The following CCDC88C variants were observed in gnomAD, a reference collection of about 807,000 sequenced individuals.
The protein encoded by CCDC88C is coiled-coil and HOOK domain protein 88C, also known as protein Daple.
CCDC88C carries 131 observed loss-of-function variants against 198.8 expected under a neutral mutation model. The ratio of observed to expected loss-of-function variants is 0.66; its 90% CI spans 0.57 to 0.76. The LOEUF (loss-of-function observed/expected upper bound fraction) is 0.76, where lower values mean the gene tolerates loss of function less well. CCDC88C is among the 30% of genes least tolerant of loss of function. CCDC88C has a pLI of 0.00. For missense variants in CCDC88C, 2,553 were observed against 2,631.6 expected (o/e 0.97, Z 0.65); for synonymous variants, 1,166 against 1,114.7 (o/e 1.05, Z -0.92).
At chr14:91,374,271 G>A (rs1202635728) in intron 3 of CCDC88C, among the ~76,000 whole-genome samples, 3 of 152,348 alleles carry the variant, frequency 2.0e-5, no homozygotes, top group South Asian at 4.1e-4. Context: ...GACACACTGT[G>A]TCTATTACCT....
chr14:91,310,331 G>C (rs1036524104), intron 15 of CCDC88C, among the ~76,000 whole-genome samples: 1 of 152,236 alleles, frequency 6.6e-6, no homozygotes, highest in South Asian at 2.1e-4. Context: ...AAAGCAACAA[G>C]TAATTAAAGG....
At chr14:91,321,789 T>C (rs566376072) in intron 12 of CCDC88C, among the ~76,000 whole-genome samples, 1 of 152,332 alleles carries the variant, frequency 6.6e-6, no homozygotes, top group Admixed American at 6.5e-5. Flanking sequence ...CGGGCACTTG[T>C]CAGCCTGGAT....
chr14:91,359,880 G>C (rs1030524667), intron 3 of CCDC88C, among the ~76,000 whole-genome samples, 169 bp from the exon 4 acceptor site: 1 of 152,166 alleles, frequency 6.6e-6, no homozygotes, highest in Non-Finnish European at 1.5e-5. Context: ...AAACAAACAC[G>C]AAAGCCAAAG....
chr14:91,277,849 C>A (rs2139718412), intron 29 of CCDC88C, 73 bp downstream of exon 29: 2 of 1,427,846 alleles, frequency 1.4e-6, no homozygotes, highest in South Asian at 3.1e-5. Context: ...ATCCTTTCTG[C>A]AGCTATGATC....
At chr14:91,398,689 A>T (rs1402623195) in intron 3 of CCDC88C, among the ~76,000 whole-genome samples, 1 of 152,120 alleles carries the variant, frequency 6.6e-6, no homozygotes, top group Non-Finnish European at 1.5e-5. Context: ...AAAATAAATA[A>T]TTGAAAGAAA....
intron 25 of CCDC88C, among the ~76,000 whole-genome samples, chr14:91,286,558 C>T (rs1890416161): frequency 6.6e-6 from 1 of 152,184 alleles, no homozygotes; most frequent in Non-Finnish European, 1.5e-5. Flanking sequence ...TAACATTAAT[C>T]GACCTAACCA....
intron 18 of CCDC88C, 132 bp from the exon 19 acceptor site, chr14:91,306,058 G>A (rs887686228): frequency 7.5e-6 from 6 of 801,984 alleles, no homozygotes; most frequent in Admixed American, 2.6e-5. Context: ...GCTGGATGAG[G>A]TCAGTATATT....
intron 25 of CCDC88C, among the ~76,000 whole-genome samples, chr14:91,287,407 G>A (rs1200657343): frequency 6.6e-6 from 1 of 152,198 alleles, no homozygotes; most frequent in Non-Finnish European, 1.5e-5. Flanking sequence ...CTGGAGTACA[G>A]TGGTATGACC....
chr14:91,379,989 G>A lies in CCDC88C; in HGVS notation c.271-20278C>T, dbSNP rs951134550. Reference sequence around the variant, plus strand: ...AAGGGGTAAAACTGTTGGGAACTGCGCGAGCCCACCGTGAGAACCAACTCC... The same window carrying A: ...AAGGGGTAAAACTGTTGGGAACTGCACGAGCCCACCGTGAGAACCAACTCC... On this transcript the variant is annotated intron_variant, in intron 3 of 29. Coordinates refer to ENST00000389857, the MANE Select transcript of CCDC88C (RefSeq NM_001080414.4). 3.1e-5 allele frequency: 21 copies of A among 677,032 alleles called. No individual in the cohort carries two copies. In the African/African-American group the frequency reaches 3.2e-4, roughly 10 times the overall value. The allele number at this position is 677,032 out of a possible 1,614,324, so 41.9% of individuals were successfully genotyped here.
intron 3 of CCDC88C, among the ~76,000 whole-genome samples, chr14:91,401,252 A>ATAT (rs1886161411): frequency 1.4e-5 from 2 of 145,662 alleles, no homozygotes; most frequent in South Asian, 4.2e-4. Flanking sequence ...ATTATATATT[A>ATAT]TATAATATAT....
intron 26 of CCDC88C, 89 bp downstream of exon 26, chr14:91,283,240 G>A (rs1890271534): frequency 7.4e-7 from 1 of 1,346,660 alleles, no homozygotes; most frequent in Non-Finnish European, 1.0e-6. Context: ...CTGAGAGGGA[G>A]AGCAACCTCT....
intron 25 of CCDC88C, chr14:91,285,357 T>G (rs768940511): frequency 2.2e-6 from 1 of 444,866 alleles, no homozygotes; most frequent in African/African-American, 2.0e-5. Context: ...AGCTCGCAGG[T>G]GCAAGAGACG....
intron 13 of CCDC88C, among the ~76,000 whole-genome samples, chr14:91,320,253 C>G (rs1892303050): frequency 6.6e-6 from 1 of 152,150 alleles, no homozygotes; most frequent in African/African-American, 2.4e-5. Flanking sequence ...CCCCTACCTC[C>G]AGGGAGGAGA....
At chr14:91,369,919 C>T (rs903055377) in intron 3 of CCDC88C, among the ~76,000 whole-genome samples, 1 of 152,198 alleles carries the variant, frequency 6.6e-6, no homozygotes, top group Non-Finnish European at 1.5e-5. Context: ...TCGGCCCGGC[C>T]GAGGCTACCA....
intron 10 of CCDC88C, among the ~76,000 whole-genome samples, chr14:91,332,362 G>A (rs1596079777): frequency 6.6e-6 from 1 of 152,208 alleles, no homozygotes; most frequent in African/African-American, 2.4e-5. Context: ...CTCCTGGACC[G>A]AGGGACACCT....
At chr14:91,307,534 G>C (rs1029769542) in intron 17 of CCDC88C, among the ~76,000 whole-genome samples, 5 of 152,252 alleles carry the variant, frequency 3.3e-5, no homozygotes, top group Non-Finnish European at 7.3e-5. Context: ...CCCTCAAACA[G>C]AGGTGAGGCT....
chr14:91,417,337 C>T, intron 1 of CCDC88C: 1 of 611,992 alleles, frequency 1.6e-6, no homozygotes, highest in Non-Finnish European at 2.9e-6. Flanking sequence ...CCCGGTCCGC[C>T]CCGAGGCAGC....
chr14:91,303,885 C>G lies in CCDC88C; in HGVS notation c.3451G>C (p.Glu1151Gln), dbSNP rs764238956. Residue 1151 changes from glutamate (E) to glutamine (Q), a missense_variant, in exon 20 of 30, where the codon GAA becomes CAA. This residue lies in a region of CCDC88C where 1,293 missense variants were observed against 1,219.6 expected (regional missense o/e 1.06). Coordinates refer to ENST00000389857, the MANE Select transcript of CCDC88C (RefSeq NM_001080414.4). ...NHHTAKETEN[E>Q]SLQRQQEQLT... is the part of the protein sequence containing the mutation. ...TGCTCCTGCTGCCTCTGCAGGCTTT[C>G]GTTCTCCGTCTCCTTGGCCGTGTGG... 2.5e-6 allele frequency: 4 copies of G among 1,612,982 alleles called. No homozygotes were observed. In the African/African-American group the frequency reaches 4.0e-5, roughly 16 times the overall value.
At position 91,273,490 on chromosome 14, in the gene CCDC88C, TCC is replaced by T; in HGVS notation, c.5220_5221del (p.Glu1741GlyfsTer18). The stretch of plus-strand genomic sequence containing the variant: ...CTGCCCGGGCTTCAGCGGCCTCCCC[TCC>T]GAGGTGGGGGCGGCCATTTTGACGG... On this transcript the variant is annotated frameshift_variant, in exon 30 of 30. Transcript: ENST00000389857. LOFTEE classifies it low-confidence loss of function (END_TRUNC). The surrounding 1 kb of genome is among the most constrained non-coding windows in gnomAD (Gnocchi z 5.6). 1 of 1,552,350 alleles carries T rather than the reference TCC, an allele frequency of 6.4e-7. No homozygotes were observed. Among genetic ancestry groups the T allele is most frequent in the Admixed American group, 2.0e-5 (1 of 51,230 alleles).
Sources: allele counts gnomAD v4.1 joint callset (sites outside exome capture counted in the v4.1 genomes callset), GRCh38; gene constraint gnomAD v4.1.1; regional missense constraint gnomAD v4.1.1; non-coding constraint Gnocchi (gnomAD v3.1); transcripts MANE v1.5; gene names NCBI Gene and HGNC (gene_info 2026-07-23, HGNC 2026-07-21).